The following TCF12 variants were observed in gnomAD, a reference collection of about 807,000 sequenced individuals.
The protein encoded by TCF12 is transcription factor 12, also known as DNA-binding protein HTF4.
A neutral mutation model predicts 86.0 loss-of-function variants in TCF12; 45 were observed. That is an observed-to-expected ratio of 0.52 (90% confidence interval 0.41 to 0.67). TCF12 has a LOEUF of 0.67. Ranked by LOEUF, TCF12 falls within the 30% of genes least tolerant of loss-of-function variation. TCF12 has a pLI of 0.00. For missense variants in TCF12, 881 were observed against 859.9 expected, an observed-to-expected ratio of 1.02 and a Z score of -0.31; for synonymous variants, 330 against 299.6, an observed-to-expected ratio of 1.10 and a Z score of -1.05.
chr15:57,260,754 A>T (rs1375413885), intron 16 of TCF12, among the ~76,000 whole-genome samples: 2 of 152,172 alleles, frequency 1.3e-5, no homozygotes, highest in Non-Finnish European at 2.9e-5. Context: ...TGGGATTTTG[A>T]ACTTCCTTTC....
At chr15:57,054,776 T>G (rs2067878701) in intron 3 of TCF12, among the ~76,000 whole-genome samples, 1 of 109,340 alleles carries the variant, frequency 9.1e-6, no homozygotes, top group Non-Finnish European at 1.7e-5. Context: ...GCCTCTGCTT[T>G]TTTTTTTTTT....
At chr15:57,054,773 C>CTTTTTTTTTTTTTTTTTT (rs35859330) in intron 3 of TCF12, among the ~76,000 whole-genome samples, 1 of 24,166 alleles carries the variant, frequency 4.1e-5, no homozygotes, top group Non-Finnish European at 8.6e-5. Flanking sequence ...AATGCCTCTG[C>CTTTTTTTTTTTTTTTTTT]TTTTTTTTTT....
rs186044257 is a variant in TCF12, at chr15:57,197,754, T to G, written c.527-19T>G. 2.8e-4 allele frequency: 459 copies of G among 1,613,304 alleles called. No individual in the cohort carries two copies. The African/African-American group carries it at 5.6e-3, about 20-fold the overall frequency. ...TCTGGTATATTATGCTGAAGAAATG[T>G]ATTGTTTTCCATCTGCAGATCCCTT... On this transcript the variant is annotated intron_variant, in intron 7 of 20. Transcript: ENST00000333725.
chr15:56,938,239 C>T (rs1324269014), intron 3 of TCF12, among the ~76,000 whole-genome samples: 1 of 151,696 alleles, frequency 6.6e-6, no homozygotes, highest in Non-Finnish European at 1.5e-5. Flanking sequence ...TGGCTTACTG[C>T]AACCTCTGAC....
At chr15:57,103,912 G>A (rs1307550147) in intron 5 of TCF12, among the ~76,000 whole-genome samples, 1 of 152,184 alleles carries the variant, frequency 6.6e-6, no homozygotes, top group Non-Finnish European at 1.5e-5. Context: ...GGAGGCTGAG[G>A]TGGGAGAATT....
chr15:56,982,496 T>C (rs17238992), intron 3 of TCF12, among the ~76,000 whole-genome samples: 6,160 of 152,290 alleles, frequency 0.04, 372 homozygotes, highest in Admixed American at 0.17. Context: ...ACCTGATAAC[T>C]GTCTGCATCA....
intron 3 of TCF12, among the ~76,000 whole-genome samples, chr15:56,960,044 C>T (rs2061675551): frequency 6.6e-6 from 1 of 151,994 alleles, no homozygotes; most frequent in Admixed American, 6.6e-5. Context: ...TTGCACCAAC[C>T]CAATACTATG....
intron 4 of TCF12, among the ~76,000 whole-genome samples, chr15:57,076,634 G>C (rs1458843182): frequency 7.0e-6 from 1 of 143,344 alleles, no homozygotes; most frequent in African/African-American, 2.6e-5. Context: ...GCCTGGCTCT[G>C]TCTCAAAAAA....
intron 8 of TCF12, among the ~76,000 whole-genome samples, chr15:57,204,482 A>G (rs1371551984): frequency 4.6e-5 from 7 of 152,176 alleles, no homozygotes; most frequent in Non-Finnish European, 5.9e-5. Context: ...GAAAAGAGGT[A>G]AGAAAGTGGT....
upstream of TCF12, chr15:56,918,108 G>T: frequency 4.7e-6 from 2 of 428,642 alleles, no homozygotes; most frequent in South Asian, 3.3e-5. Flanking sequence ...CGAGGAGGAT[G>T]GGTCTCCCGT....
At chr15:56,976,537 G>A (rs1049786856) in intron 3 of TCF12, among the ~76,000 whole-genome samples, 1 of 151,772 alleles carries the variant, frequency 6.6e-6, no homozygotes, top group East Asian at 1.9e-4. Flanking sequence ...AACTATTACA[G>A]CTAATACATG....
rs1264272150 is a variant in TCF12 at position 57,059,823 on chromosome 15, AT to A, written c.149-3925del. On this transcript the variant is annotated intron_variant, in intron 3 of 20. Transcript: ENST00000333725. ...CCCACCAAAAAAAAAAAAAAAAAAA[AT>A]TCCAGTTTCCAGTTTTTGCTAGTGG... is the stretch of plus-strand genomic sequence containing the variant. Among the ~76,000 whole-genome samples the A allele has an allele frequency of 9.2e-3, 1,286 of 139,572 alleles. 24 individuals carry two copies. Among genetic ancestry groups the A allele is most frequent in the African/African-American group, 0.033 (1,214 of 37,206 alleles). The allele number at this position is 139,572 out of a possible 152,430, so 91.6% of individuals were successfully genotyped here. A position where few individuals can be genotyped will look rare whatever the true frequency, so the allele number is the denominator to read the frequency against.
chr15:57,004,331 G>A (rs182519436), intron 3 of TCF12, among the ~76,000 whole-genome samples: 80 of 151,660 alleles, frequency 5.3e-4, no homozygotes, highest in African/African-American at 1.9e-3. Flanking sequence ...CAGTTCAAGC[G>A]AGTTCAAGTG....
chr15:56,990,133 T>G (rs1407168612), intron 3 of TCF12, among the ~76,000 whole-genome samples: 1 of 149,770 alleles, frequency 6.7e-6, no homozygotes, highest in African/African-American at 2.4e-5. Flanking sequence ...CACCATTTAT[T>G]TTTAGGCATA....
Position 57,286,616 on chromosome 15 carries a change from T to G in TCF12, c.*471T>G, listed in dbSNP as rs1304244680. ...CCAGCATACATTAAAGCGGTTCACG[T>G]GCAGAGAACAAAGCAGTGACAACCA... On this transcript the variant is annotated 3_prime_UTR_variant, in exon 21 of 21. Transcript: ENST00000333725. 2.2e-6 allele frequency: 1 copy of G among 456,754 alleles called. No individual in the cohort carries two copies. The highest frequency in any genetic ancestry group is 2.3e-5 in the Admixed American group (1 of 42,584). The allele number at this position is 456,754 out of a possible 1,614,324, so 28.3% of individuals were successfully genotyped here.
intron 16 of TCF12, among the ~76,000 whole-genome samples, chr15:57,255,637 C>G (rs183753913): frequency 1.3e-5 from 2 of 152,110 alleles, no homozygotes; most frequent in African/African-American, 4.8e-5. Context: ...GCACCCGCCA[C>G]CACGTCCGGC....
At chr15:57,002,976 A>G (rs1440114123) in intron 3 of TCF12, among the ~76,000 whole-genome samples, 1 of 152,236 alleles carries the variant, frequency 6.6e-6, no homozygotes, top group Non-Finnish European at 1.5e-5. Context: ...ACTACTGTAC[A>G]TCTTTCATAG....
chr15:56,970,538 T>C (rs1298122024), intron 3 of TCF12, among the ~76,000 whole-genome samples: 12 of 135,118 alleles, frequency 8.9e-5, no homozygotes, highest in Non-Finnish European at 1.9e-4. Context: ...AATGAAACAA[T>C]GGAACAGAGA....
At chr15:57,043,967 A>C (rs748132543) in intron 3 of TCF12, among the ~76,000 whole-genome samples, 1 of 151,900 alleles carries the variant, frequency 6.6e-6, no homozygotes, top group Non-Finnish European at 1.5e-5. Flanking sequence ...TTGCTTTTTT[A>C]CCGAAAACTA....
Sources: gnomAD v4.1 joint callset for allele counts (sites outside exome capture counted in the v4.1 genomes callset) on GRCh38, gnomAD v4.1.1 for gene constraint, MANE v1.5 for transcripts, NCBI Gene and HGNC (gene_info 2026-07-23, HGNC 2026-07-21) for gene names.